The following NBEA variants were observed in gnomAD, a reference collection of about 807,000 sequenced individuals.
NBEA encodes the protein neurobeachin.
Under a neutral mutation model 343.4 loss-of-function variants are expected in NBEA, and 44 were observed. That is an observed-to-expected ratio of 0.13 (90% confidence interval 0.10 to 0.16). The LOEUF is 0.16. NBEA is among the 10% of genes least tolerant of loss of function. The pLI is 1.00. For missense variants in NBEA, 2,555 were observed against 3,631.3 expected (o/e 0.70, Z 7.62); for synonymous variants, 1,175 against 1,238.7 (o/e 0.95, Z 1.08).
rs1162619987 is a variant in NBEA, at chr13:35,054,682, C to T, written c.973-1328C>T. Among the ~76,000 whole-genome samples, 58 of 131,816 alleles carry T rather than the reference C, an allele frequency of 4.4e-4. 1 individual carries two copies. Among genetic ancestry groups the T allele is most frequent in the African/African-American group, 1.4e-4 (5 of 34,844 alleles). 86.5% of individuals were successfully genotyped at this position (131,816 alleles called of 152,430 possible). Reference sequence around the variant, plus strand: ...TTTTTGAGACAAAGTCTTGCCCTGTCGCCCAGGCTGGAGTGCAGTGGTGTG... The same window carrying T: ...TTTTTGAGACAAAGTCTTGCCCTGTTGCCCAGGCTGGAGTGCAGTGGTGTG... On this transcript the variant is annotated intron_variant, in intron 6 of 58. Coordinates refer to ENST00000379939, the MANE Select transcript of NBEA (RefSeq NM_001385012.1).
At chr13:35,452,637 C>T (rs1459240048) in intron 40 of NBEA, among the ~76,000 whole-genome samples, 1 of 152,128 alleles carries the variant, frequency 6.6e-6, no homozygotes, top group African/African-American at 2.4e-5. Context: ...CCATTTCCTC[C>T]CATTTGTCAC....
At chr13:35,570,057 G>A (rs1023238848) in intron 45 of NBEA, among the ~76,000 whole-genome samples, 2 of 152,066 alleles carry the variant, frequency 1.3e-5, no homozygotes, top group Admixed American at 6.6e-5. Context: ...CTTTTGAGAC[G>A]GAGTCTCGCT....
chr13:35,084,949 A>G (rs2152613722), intron 10 of NBEA, among the ~76,000 whole-genome samples: 1 of 152,206 alleles, frequency 6.6e-6, no homozygotes, highest in East Asian at 1.9e-4. Flanking sequence ...AGAATACTAT[A>G]AACACCTCTA....
chr13:35,635,105 T>C (rs1320694293), intron 49 of NBEA, among the ~76,000 whole-genome samples: 1 of 152,156 alleles, frequency 6.6e-6, no homozygotes, highest in African/African-American at 2.4e-5. Flanking sequence ...ATGATGTAAA[T>C]GAAGGGTAAT....
rs74674856 is a variant in NBEA, at chr13:35,643,318, C to T, written c.7618-2551C>T. On this transcript the variant is annotated intron_variant, in intron 49 of 58. Transcript: ENST00000379939. ...GTCTCCCCTGTGTCCTGCTCCCTACCATGTGCACTGACACACTCATCGTCT... is the reference window on the plus strand; with the variant it reads ...GTCTCCCCTGTGTCCTGCTCCCTACTATGTGCACTGACACACTCATCGTCT... Among the ~76,000 whole-genome samples, 555 of 152,172 alleles carry T rather than the reference C, an allele frequency of 3.6e-3. 2 individuals carry two copies. The highest frequency in any genetic ancestry group is 0.013 in the African/African-American group (522 of 41,532).
chr13:34,973,461 G>A (rs533705180), intron 1 of NBEA, among the ~76,000 whole-genome samples: 1 of 152,210 alleles, frequency 6.6e-6, no homozygotes, highest in Non-Finnish European at 1.5e-5. Flanking sequence ...GTCCCAGGAA[G>A]TTTTCAAATC....
In NBEA at chr13:35,075,515, G is replaced by A. The variant is rs543293365; in HGVS notation, c.1571+4663G>A. Among the ~76,000 whole-genome samples, 5 of 152,074 alleles carry A rather than the reference G, an allele frequency of 3.3e-5. No individual in the cohort carries two copies. The East Asian group carries it at 5.8e-4, about 18-fold the overall frequency. ...ATTTTTTAAAATTACAATAAATACA[G>A]TTTGTTTGCTAGAAGGATGGAATGT... On this transcript the variant is annotated intron_variant, in intron 10 of 58. Transcript: ENST00000379939.
At chr13:35,347,522 C>G (rs899990874) in intron 36 of NBEA, among the ~76,000 whole-genome samples, 2 of 144,826 alleles carry the variant, frequency 1.4e-5, no homozygotes, top group East Asian at 4.1e-4. Context: ...TTGAAGGTAG[C>G]TTTTTAAATA....
chr13:35,494,350 T>C (rs9530629), intron 41 of NBEA, among the ~76,000 whole-genome samples: 23,942 of 151,956 alleles, frequency 0.16, 2,209 homozygotes, highest in East Asian at 0.43. Context: ...AGGGAAAAAG[T>C]CAAGTCTGCC....
intron 28 of NBEA, among the ~76,000 whole-genome samples, chr13:35,179,403 C>T (rs879428467): frequency 4.6e-5 from 7 of 151,418 alleles, no homozygotes; most frequent in African/African-American, 7.3e-5. Flanking sequence ...AATAAAATAC[C>T]TGAGCAAGTC....
chr13:35,345,407 C>G (rs553081577), intron 36 of NBEA, among the ~76,000 whole-genome samples: 1 of 152,090 alleles, frequency 6.6e-6, no homozygotes, highest in Non-Finnish European at 1.5e-5. Flanking sequence ...CCAAGTGCAG[C>G]AGAGTGGTTT....
At position 35,581,082 on chromosome 13, in the gene NBEA, A is replaced by C. The variant is rs112170145; in HGVS notation, c.7036-2816A>C. 3.3e-3 allele frequency among the ~76,000 whole-genome samples: 509 copies of C among 152,322 alleles called. 2 individuals are homozygous for C. Among genetic ancestry groups the C allele is most frequent in the Non-Finnish European group, 4.5e-3 (304 of 68,022 alleles). On this transcript the variant is annotated intron_variant, in intron 45 of 58. Coordinates refer to ENST00000379939, the MANE Select transcript of NBEA (RefSeq NM_001385012.1). Reference sequence around the variant, plus strand: ...TTATGCACGTGAGAGGTCTATTAGCATATTCACGACAGAACAAAGTATTAA... The same window carrying C: ...TTATGCACGTGAGAGGTCTATTAGCCTATTCACGACAGAACAAAGTATTAA...
chr13:35,120,179 T>C (rs2066718546), intron 16 of NBEA, among the ~76,000 whole-genome samples: 1 of 152,190 alleles, frequency 6.6e-6, no homozygotes, highest in African/African-American at 2.4e-5. Context: ...ATAATTGTAT[T>C]ATTTTGACAC....
intron 1 of NBEA, among the ~76,000 whole-genome samples, chr13:34,969,182 T>C (rs955641220): frequency 1.3e-5 from 2 of 152,104 alleles, no homozygotes; most frequent in African/African-American, 4.8e-5. Context: ...GGTTGGAGTT[T>C]TATTCCTCTG....
At chr13:35,534,285 T>C (rs549973948) in intron 41 of NBEA, among the ~76,000 whole-genome samples, 1 of 152,300 alleles carries the variant, frequency 6.6e-6, no homozygotes, top group South Asian at 2.1e-4. Context: ...ACTCTAGCCC[T>C]ATCTGTCTCA....
chr13:35,559,930 C>CAAA (rs34700584), intron 44 of NBEA, among the ~76,000 whole-genome samples: 2 of 108,974 alleles, frequency 1.8e-5, no homozygotes, highest in Admixed American at 8.9e-5. Flanking sequence ...GACTCCGTCT[C>CAAA]AAAAAAAAAA....
intron 1 of NBEA, among the ~76,000 whole-genome samples, chr13:34,991,780 G>A (rs1016738374): frequency 9.2e-5 from 14 of 152,052 alleles, no homozygotes; most frequent in Admixed American, 6.5e-5. Flanking sequence ...ATAAGTTTCC[G>A]TCTTGTATCA....
rs762958587 is a variant in NBEA at position 35,048,570 on chromosome 13, C to T, written c.731C>T (p.Ala244Val). The T allele has an allele frequency of 6.2e-7, 1 of 1,607,688 alleles. No individual in the cohort carries two copies. The highest frequency in any genetic ancestry group is 2.2e-5 in the East Asian group (1 of 44,652). The change falls in exon 5 of 59, where the codon GCC becomes GTC. Residue 244 changes from alanine (A) to valine (V), a missense_variant. Physicochemically the swap from Ala to Val is moderately conservative, Grantham distance 64 (BLOSUM62 0). Around this residue, in one of 21 missense-constraint regions of NBEA, gnomAD observed 185 missense variants for 290.6 expected, o/e 0.64. Coordinates refer to ENST00000379939, the MANE Select transcript of NBEA (RefSeq NM_001385012.1). Reference protein sequence around the residue: ...NFPGCSAAAIALPPIAKWPYQ... With the variant: ...NFPGCSAAAIVLPPIAKWPYQ... ...TTTCTCATTGCCTTGTAGGCAATTG[C>T]CTTGCCTCCTATTGCAAAGTGGCCT...
intron 47 of NBEA, among the ~76,000 whole-genome samples, chr13:35,597,892 G>A (rs951645155): frequency 3.3e-5 from 5 of 152,156 alleles, no homozygotes; most frequent in Non-Finnish European, 7.3e-5. Flanking sequence ...GATGAGATGA[G>A]TTGCAAAGTC....
Sources: allele counts gnomAD v4.1 joint callset (sites outside exome capture counted in the v4.1 genomes callset), GRCh38; gene constraint gnomAD v4.1.1; regional missense constraint gnomAD v4.1.1; transcripts MANE v1.5; gene names NCBI Gene and HGNC (gene_info 2026-07-23, HGNC 2026-07-21).